Variants in DSCAM observed in about 807,000 individuals in gnomAD.
The protein encoded by DSCAM is cell adhesion molecule DSCAM.
DSCAM carries 47 observed loss-of-function variants against 217.7 expected under a neutral mutation model. The ratio of observed to expected loss-of-function variants is 0.22; its 90% confidence interval spans 0.17 to 0.28. DSCAM has a LOEUF of 0.28. Ranked by LOEUF, DSCAM falls within the 10% of genes least tolerant of loss-of-function variation. The pLI, the probability that DSCAM is intolerant of heterozygous loss-of-function variation, is 1.00. For missense variants in DSCAM, 2,080 were observed against 2,618.3 expected (o/e 0.79, Z 4.49); for synonymous variants, 1,056 against 1,015.3 (o/e 1.04, Z -0.76).
At chr21:40,742,571 A>G (rs1347873631) in intron 1 of DSCAM, among the ~76,000 whole-genome samples, 1 of 152,238 alleles carries the variant, frequency 6.6e-6, no homozygotes, top group East Asian at 1.9e-4. Flanking sequence ...TTAAGCCACT[A>G]CGTTTGTGAT....
intron 3 of DSCAM, among the ~76,000 whole-genome samples, chr21:40,587,576 A>T (rs1181876261): frequency 6.6e-6 from 1 of 152,242 alleles, no homozygotes; most frequent in Non-Finnish European, 1.5e-5. Context: ...CTTTCAATAA[A>T]CATCATCTCT....
In DSCAM at chr21:40,130,969, T is replaced by G. The variant is rs1169817235; in HGVS notation, c.3562+2885A>C. Among the ~76,000 whole-genome samples, 6 of 152,348 alleles carry G rather than the reference T, an allele frequency of 3.9e-5. No individual in the cohort carries two copies. In the East Asian group the frequency reaches 1.2e-3, roughly 29 times the overall value. ...AACTGAATCGGATGCTCGCTGTTAA[T>G]GTAGCTATCTTTCTTCGCTTGCAAG... On this transcript the variant is annotated intron_variant, in intron 19 of 32. Coordinates refer to ENST00000400454, the MANE Select transcript of DSCAM (RefSeq NM_001389.5).
At chr21:40,277,573 CCCA>C (rs1401440043) in intron 10 of DSCAM, among the ~76,000 whole-genome samples, 1 of 152,036 alleles carries the variant, frequency 6.6e-6, no homozygotes, top group African/African-American at 2.4e-5. Context: ...AAGTAGAATC[CCCA>C]CAACAGGTGG....
intron 11 of DSCAM, among the ~76,000 whole-genome samples, chr21:40,231,427 C>G (rs1402651039): frequency 6.6e-6 from 1 of 152,108 alleles, no homozygotes; most frequent in East Asian, 1.9e-4. Context: ...CCCTAGATTT[C>G]CGGGTGAGAG....
chr21:40,804,227 G>A (rs1450507186), intron 1 of DSCAM, among the ~76,000 whole-genome samples: 1 of 152,166 alleles, frequency 6.6e-6, no homozygotes, highest in Non-Finnish European at 1.5e-5. Flanking sequence ...ATGGAGTGTG[G>A]TTCAGAATCA....
At position 40,552,309 on chromosome 21, in the gene DSCAM, G is replaced by A. The variant is rs952079829; in HGVS notation, c.508+140501C>T. Among the ~76,000 whole-genome samples the A allele has an allele frequency of 3.5e-5, 4 of 113,786 alleles. No individual in the cohort carries two copies. In the East Asian group the frequency reaches 8.0e-4, roughly 23 times the overall value. 74.6% of individuals were successfully genotyped at this position (113,786 alleles called of 152,430 possible). A position where few individuals can be genotyped will look rare whatever the true frequency, so the allele number is the denominator to read the frequency against. On this transcript the variant is annotated intron_variant, in intron 3 of 32. Coordinates refer to ENST00000400454, the MANE Select transcript of DSCAM (RefSeq NM_001389.5). ...AGCTTGGGCAACAGAGTGACACTTCGTCTCAAAAAAAAAAAGAGTTCTCTT... is the reference window on the plus strand; with the variant it reads ...AGCTTGGGCAACAGAGTGACACTTCATCTCAAAAAAAAAAAGAGTTCTCTT...
Position 40,144,349 on chromosome 21 carries a change from G to T in DSCAM, c.3259+142C>A. ...GGGGTGGGCGAGGTCACGAGGGAAGGCTTTTCCACCCGAGACCCCAGGCCC... is the reference window on the plus strand; with the variant it reads ...GGGGTGGGCGAGGTCACGAGGGAAGTCTTTTCCACCCGAGACCCCAGGCCC... On this transcript the variant is annotated intron_variant, in intron 17 of 32. Transcript: ENST00000400454. The surrounding 1 kb of genome is among the most constrained non-coding windows in gnomAD (Gnocchi z 4.8). 6.6e-6 allele frequency: 9 copies of T among 1,368,686 alleles called. No homozygotes were observed. The South Asian group carries it at 9.6e-5, about 15-fold the overall frequency. The allele number at this position is 1,368,686 out of a possible 1,614,324, so 84.8% of individuals were successfully genotyped here.
intron 16 of DSCAM, among the ~76,000 whole-genome samples, chr21:40,155,455 C>A (rs1323870119): frequency 1.3e-5 from 2 of 152,162 alleles, no homozygotes. Context: ...CCAGAGTAGC[C>A]CCTCTGCAGG....
chr21:40,102,131 T>A (rs1046665885), intron 20 of DSCAM, among the ~76,000 whole-genome samples: 1 of 152,166 alleles, frequency 6.6e-6, no homozygotes, highest in Non-Finnish European at 1.5e-5. Context: ...GTCTGACCAA[T>A]TCCTACTAAA....
chr21:40,616,877 C>T (rs2089402256), intron 3 of DSCAM, among the ~76,000 whole-genome samples: 2 of 151,382 alleles, frequency 1.3e-5, no homozygotes, highest in Admixed American at 6.6e-5. Context: ...ATTAGCCGGG[C>T]GTAGTGGCGG....
intron 10 of DSCAM, among the ~76,000 whole-genome samples, chr21:40,294,459 C>T (rs1179437842): frequency 6.6e-6 from 1 of 152,206 alleles, no homozygotes; most frequent in Non-Finnish European, 1.5e-5. Flanking sequence ...GCCACATTTA[C>T]CCACCCATAC....
At chr21:40,460,749 C>G (rs2075799470) in intron 3 of DSCAM, among the ~76,000 whole-genome samples, 1 of 152,120 alleles carries the variant, frequency 6.6e-6, no homozygotes, top group African/African-American at 2.4e-5. Flanking sequence ...AAATAAAAAA[C>G]ATGAAATGTT....
intron 11 of DSCAM, among the ~76,000 whole-genome samples, chr21:40,259,408 A>G (rs1186813727): frequency 6.6e-6 from 1 of 151,766 alleles, no homozygotes; most frequent in Non-Finnish European, 1.5e-5. Flanking sequence ...AAGAATAAAG[A>G]CTCCACTCTG....
intron 3 of DSCAM, among the ~76,000 whole-genome samples, chr21:40,391,358 A>G (rs1342757917): frequency 6.6e-6 from 1 of 152,198 alleles, no homozygotes; most frequent in Non-Finnish European, 1.5e-5. Context: ...TACACAGTCT[A>G]CCCACCTGCT....
At chr21:40,585,125 A>T in intron 3 of DSCAM, among the ~76,000 whole-genome samples, 1 of 150,846 alleles carries the variant, frequency 6.6e-6, no homozygotes, top group East Asian at 2.0e-4. Context: ...AGCCAAGCAG[A>T]TGCTGGGGCA....
intron 9 of DSCAM, among the ~76,000 whole-genome samples, chr21:40,305,778 T>C (rs2074066960): frequency 6.6e-6 from 1 of 152,214 alleles, no homozygotes; most frequent in Non-Finnish European, 1.5e-5. Flanking sequence ...TTCTGAGGGC[T>C]CTGTTCTGTT....
intron 3 of DSCAM, among the ~76,000 whole-genome samples, chr21:40,664,615 G>A (rs1012993620): frequency 6.6e-6 from 1 of 152,228 alleles, no homozygotes; most frequent in Non-Finnish European, 1.5e-5. Context: ...TTTCATGTTA[G>A]GGAAATTTGG....
chr21:40,374,310 T>C (rs963987389), intron 3 of DSCAM, among the ~76,000 whole-genome samples: 2 of 152,246 alleles, frequency 1.3e-5, no homozygotes, highest in African/African-American at 4.8e-5. Flanking sequence ...AAATGTAGCC[T>C]TTGTGAGCCA....
intron 3 of DSCAM, among the ~76,000 whole-genome samples, chr21:40,597,697 A>C (rs1475498556): frequency 6.6e-6 from 1 of 151,966 alleles, no homozygotes; most frequent in Non-Finnish European, 1.5e-5. Context: ...TAATAGAGAC[A>C]GGGTTTTGCC....
Sources: gnomAD v4.1 joint callset for allele counts (sites outside exome capture counted in the v4.1 genomes callset) on GRCh38, gnomAD v4.1.1 for gene constraint, Gnocchi (gnomAD v3.1) non-coding constraint, MANE v1.5 for transcripts, NCBI Gene and HGNC (gene_info 2026-07-23, HGNC 2026-07-21) for gene names.